Variants in ACAP2 observed in about 807,000 individuals in gnomAD.
ACAP2 encodes arf-GAP with coiled-coil, ANK repeat and PH domain-containing protein 2.
Under a neutral mutation model 115.8 loss-of-function variants are expected in ACAP2, and 39 were observed. The observed-to-expected ratio is 0.34, with a 90% CI of 0.26 to 0.44. The LOEUF is 0.44. Ranked by LOEUF, ACAP2 falls within the 20% of genes least tolerant of loss-of-function variation. The probability of loss-of-function intolerance (pLI) is 1.00; values close to 1 mark genes in which losing one functional copy is unlikely to be tolerated. For synonymous variants in ACAP2, 289 were observed against 315.8 expected (o/e 0.92, Z 0.90); for missense variants, 662 against 927.6 (o/e 0.71, Z 3.72).
chr3:195,289,064 C>A (rs1057211442), intron 21 of ACAP2, 57 bp downstream of exon 21: 3 of 1,403,986 alleles, frequency 2.1e-6, no homozygotes, highest in Non-Finnish European at 3.0e-6. Flanking sequence ...TGTGGATAAC[C>A]GAGGGACAAC....
chr3:195,371,354 C>T (rs1197714543), intron 4 of ACAP2, among the ~76,000 whole-genome samples: 4 of 152,186 alleles, frequency 2.6e-5, no homozygotes, highest in African/African-American at 7.2e-5. Flanking sequence ...AATTGGCTCT[C>T]GGGTTGGATG....
intron 2 of ACAP2, among the ~76,000 whole-genome samples, chr3:195,382,670 G>T (rs937800162): frequency 6.6e-6 from 1 of 152,016 alleles, no homozygotes; most frequent in Non-Finnish European, 1.5e-5. Context: ...GCAAAGGGGG[G>T]TCACCAAGAA....
At chr3:195,345,487 T>C (rs1279633424) in intron 4 of ACAP2, among the ~76,000 whole-genome samples, 170 bp from the exon 5 acceptor site, 1 of 152,186 alleles carries the variant, frequency 6.6e-6, no homozygotes, top group Non-Finnish European at 1.5e-5. Context: ...CCAAAACAGA[T>C]TAAGCCAATT....
intron 1 of ACAP2, among the ~76,000 whole-genome samples, chr3:195,392,592 A>G (rs999846657): frequency 1.3e-5 from 2 of 152,230 alleles, no homozygotes; most frequent in Non-Finnish European, 2.9e-5. Flanking sequence ...TTTTGTTTCC[A>G]AAGTATTTTT....
intron 2 of ACAP2, among the ~76,000 whole-genome samples, chr3:195,384,635 G>C (rs966044466): frequency 6.6e-6 from 1 of 152,138 alleles, no homozygotes; most frequent in Admixed American, 6.5e-5. Context: ...GCTGAGGCAG[G>C]AGAATTGCCT....
intron 9 of ACAP2, among the ~76,000 whole-genome samples, chr3:195,321,823 G>A (rs957152231): frequency 2.0e-5 from 3 of 151,922 alleles, no homozygotes; most frequent in African/African-American, 7.3e-5. Flanking sequence ...ATGTTAGCCA[G>A]GCTGGTCTCA....
rs78302312 is a variant in ACAP2 at position 195,372,901 on chromosome 3, C to T, written c.285+8108G>A. Among the ~76,000 whole-genome samples the T allele has an allele frequency of 1.8e-3, 261 of 146,404 alleles. 5 individuals carry two copies. The East Asian group carries it at 0.023, about 13-fold the overall frequency. ...ACCTAAAGAAATGCCTAATAATAAA[C>T]AGCATGAACCCGGGAGGCGGAGCTT... On this transcript the variant is annotated intron_variant, in intron 4 of 22. Transcript: ENST00000326793.
intron 14 of ACAP2, 151 bp from the exon 15 acceptor site, chr3:195,301,795 G>A: frequency 8.9e-7 from 1 of 1,121,000 alleles, no homozygotes; most frequent in East Asian, 2.4e-5. Flanking sequence ...ATGAACCAAA[G>A]TCCTCAACAG....
chr3:195,341,318 T>TG (rs1443856153), intron 6 of ACAP2, among the ~76,000 whole-genome samples: 48 of 115,578 alleles, frequency 4.2e-4, no homozygotes, highest in African/African-American at 1.5e-3. Context: ...TTTTATTGTG[T>TG]GGGTTTTTTT....
chr3:195,377,707 T>C (rs1206257385), intron 4 of ACAP2, among the ~76,000 whole-genome samples: 2 of 152,054 alleles, frequency 1.3e-5, no homozygotes, highest in Non-Finnish European at 2.9e-5. Flanking sequence ...ATAGAATAGA[T>C]GGTATATTAA....
chr3:195,322,442 G>A (rs543400245), intron 9 of ACAP2, among the ~76,000 whole-genome samples: 1 of 152,054 alleles, frequency 6.6e-6, no homozygotes, highest in South Asian at 2.1e-4. Flanking sequence ...GTCAGGAACA[G>A]GAAACAGACT....
At chr3:195,386,001 T>A (rs1734276043) in intron 2 of ACAP2, among the ~76,000 whole-genome samples, 1 of 152,186 alleles carries the variant, frequency 6.6e-6, no homozygotes, top group Non-Finnish European at 1.5e-5. Context: ...CAAATGTCCA[T>A]CAACTGATGA....
rs1461009952 is a variant in ACAP2, at chr3:195,342,494, T to C, written c.505A>G (p.Ile169Val). 3.1e-6 allele frequency: 5 copies of C among 1,608,622 alleles called. No homozygotes were observed. Among genetic ancestry groups the C allele is most frequent in the East Asian group, 2.2e-5 (1 of 44,802 alleles). ...ACCTGAAGCACATAATCGAGGGCTA[T>C]GTGTCGGAAACATTTTCTTGTTGCT... is the stretch of plus-strand genomic sequence containing the variant. ...LTATRKCFRH[I>V]ALDYVLQINV... The change falls in exon 6 of 23, where the codon ATA (isoleucine) becomes GTA (valine). Residue 169 changes from isoleucine to valine, a missense_variant. This residue lies in a region of ACAP2 where 401 missense variants were observed against 604.4 expected (regional missense o/e 0.66). Coordinates refer to ENST00000326793, the MANE Select transcript of ACAP2 (RefSeq NM_012287.6).
At chr3:195,414,579 C>T (rs930774009) in intron 1 of ACAP2, among the ~76,000 whole-genome samples, 5 of 152,116 alleles carry the variant, frequency 3.3e-5, no homozygotes, top group Admixed American at 2.6e-4. Context: ...ATCCAGACAA[C>T]AGAGTATCAT....
At chr3:195,431,228 G>T (rs1715089654) in intron 1 of ACAP2, among the ~76,000 whole-genome samples, 1 of 152,014 alleles carries the variant, frequency 6.6e-6, no homozygotes, top group Non-Finnish European at 1.5e-5. Flanking sequence ...CATTCCATTT[G>T]ACAGCTGAAT....
intron 1 of ACAP2, among the ~76,000 whole-genome samples, chr3:195,438,771 C>A (rs74509239): frequency 0.023 from 3,557 of 152,228 alleles, 140 homozygotes; most frequent in African/African-American, 0.08. Flanking sequence ...GAACAAGAAT[C>A]GTATCTAGCC....
intron 1 of ACAP2, among the ~76,000 whole-genome samples, chr3:195,393,883 T>C (rs891769758): frequency 3.5e-5 from 3 of 84,552 alleles, no homozygotes; most frequent in Admixed American, 1.5e-4. Flanking sequence ...GAGTATTATA[T>C]TGGGGGGGGG....
At chr3:195,316,358 T>C (rs1009001409) in intron 10 of ACAP2, among the ~76,000 whole-genome samples, 3 of 152,246 alleles carry the variant, frequency 2.0e-5, no homozygotes, top group Non-Finnish European at 4.4e-5. Flanking sequence ...ACCACTTGAG[T>C]TGGTCCACCT....
intron 7 of ACAP2, among the ~76,000 whole-genome samples, chr3:195,333,880 G>A (rs1185531640): frequency 6.6e-6 from 1 of 152,168 alleles, no homozygotes; most frequent in Non-Finnish European, 1.5e-5. Context: ...TAAAGTAGGA[G>A]AACGCTGGGT....
Sources: gnomAD v4.1 joint callset for allele counts (sites outside exome capture counted in the v4.1 genomes callset) on GRCh38, gnomAD v4.1.1 for gene constraint, gnomAD v4.1.1 regional missense constraint, MANE v1.5 for transcripts, NCBI Gene and HGNC (gene_info 2026-07-23, HGNC 2026-07-21) for gene names.